TRPM7: variants seen among roughly 807,000 people sequenced by gnomAD.
TRPM7 encodes the protein LTRPC ion channel family member 7.
TRPM7 carries 134 observed loss-of-function variants against 229.7 expected under a neutral mutation model. The ratio of observed to expected loss-of-function variants is 0.58; its 90% confidence interval spans 0.51 to 0.67. TRPM7 has a LOEUF of 0.67. Among genes scored for constraint, TRPM7 ranks in the 30% least tolerant of loss-of-function variants. The probability of loss-of-function intolerance (pLI) is 0.00; values close to 1 mark genes in which losing one functional copy is unlikely to be tolerated. For missense variants in TRPM7, 1,901 were observed against 2,210.0 expected (o/e 0.86, Z 2.80); for synonymous variants, 699 against 715.2 (o/e 0.98, Z 0.36).
chr15:50,638,120 G>A (rs1212414088), intron 6 of TRPM7, among the ~76,000 whole-genome samples: 1 of 151,922 alleles, frequency 6.6e-6, no homozygotes, highest in East Asian at 1.9e-4. Context: ...AGCACTTTGG[G>A]AGGCCGAGGC....
At position 50,679,177 on chromosome 15, in the gene TRPM7, A is replaced by G. The variant is rs532275588; in HGVS notation, c.3+7354T>C. On this transcript the variant is annotated intron_variant, in intron 1 of 38. Coordinates refer to ENST00000646667, the MANE Select transcript of TRPM7 (RefSeq NM_017672.6). ...ATTAACCACCGCACCCAGTCAAAAA[A>G]ATTTTTTAATTAGCCAGGTTGGTGG... Among the ~76,000 whole-genome samples the G allele has an allele frequency of 1.7e-3, 227 of 135,278 alleles. 1 individual carries two copies. Among genetic ancestry groups the G allele is most frequent in the Non-Finnish European group, 2.5e-3 (154 of 62,728 alleles). The allele number at this position is 135,278 out of a possible 152,430, so 88.7% of individuals were successfully genotyped here.
intron 38 of TRPM7, among the ~76,000 whole-genome samples, chr15:50,567,854 C>T (rs1465662906): frequency 6.6e-6 from 1 of 151,576 alleles, no homozygotes; most frequent in Non-Finnish European, 1.5e-5. Context: ...TTTGGGAGGC[C>T]GAGGCAGGCG....
rs1566950709 is a variant in TRPM7, at chr15:50,580,923, A to AC, written c.4558-16_4558-15insG. 9.5e-6 allele frequency: 15 copies of AC among 1,574,620 alleles called. No individual in the cohort carries two copies. Among genetic ancestry groups the AC allele is most frequent in the South Asian group, 2.4e-5 (2 of 83,776 alleles). On this transcript the variant is annotated splice_polypyrimidine_tract_variant and intron_variant, in intron 29 of 38. Transcript: ENST00000646667. ...TGTAACCAATCCTTCAGTAAAAAAA[A>AC]AACACACACACACAAAAACCTTAAA... is the stretch of plus-strand genomic sequence containing the variant.
At chr15:50,666,889 A>G (rs570344641) in intron 1 of TRPM7, among the ~76,000 whole-genome samples, 2 of 152,258 alleles carry the variant, frequency 1.3e-5, no homozygotes, top group South Asian at 4.1e-4. Context: ...AAAGAAGAAA[A>G]TAACAGGCTG....
chr15:50,605,756 T>C (rs1433620468), intron 20 of TRPM7, among the ~76,000 whole-genome samples: 1 of 152,218 alleles, frequency 6.6e-6, no homozygotes, highest in African/African-American at 2.4e-5. Context: ...TGCAGAGCTA[T>C]TTTATGAATA....
intron 2 of TRPM7, 77 bp downstream of exon 2, chr15:50,662,890 G>A (rs1277820893): frequency 8.7e-6 from 9 of 1,032,540 alleles, no homozygotes; most frequent in East Asian, 2.5e-5. Flanking sequence ...AGTGGTTTTT[G>A]TTTCCAATAA....
intron 2 of TRPM7, among the ~76,000 whole-genome samples, chr15:50,658,770 A>G (rs543394790): frequency 5.3e-5 from 8 of 152,242 alleles, no homozygotes; most frequent in Non-Finnish European, 8.8e-5. Context: ...TATAAAATGA[A>G]AATTGTACAA....
At chr15:50,657,724 A>G in intron 3 of TRPM7, 57 bp downstream of exon 3, 10 of 1,448,220 alleles carry the variant, frequency 6.9e-6, no homozygotes, top group Non-Finnish European at 9.6e-6. Flanking sequence ...CATATTTCTA[A>G]TAGATTAGTT....
chr15:50,634,485 C>G lies in TRPM7; in HGVS notation c.904G>C (p.Glu302Gln). 6.3e-7 allele frequency: 1 copy of G among 1,582,122 alleles called. No homozygotes were observed. The highest frequency in any genetic ancestry group is 8.6e-7 in the Non-Finnish European group (1 of 1,166,766). Residue 302 changes from glutamate (E) to glutamine (Q), a missense_variant, in exon 8 of 39, where the codon GAA becomes CAA. By Grantham distance (29) the Glu-to-Gln change is conservative (BLOSUM62 2). Transcript: ENST00000646667. The part of the protein sequence containing the change: ...GGPNVILTVL[E>Q]YLQESPPVPV... ...ACAGGGGGGCTTTCCTGAAGGTATTCAAGAACTGTGAGGATAACATTTGGC... is the reference window on the plus strand; with the variant it reads ...ACAGGGGGGCTTTCCTGAAGGTATTGAAGAACTGTGAGGATAACATTTGGC...
At chr15:50,647,964 G>A (rs1268005167) in intron 4 of TRPM7, among the ~76,000 whole-genome samples, 1 of 152,092 alleles carries the variant, frequency 6.6e-6, no homozygotes, top group East Asian at 1.9e-4. Context: ...ATTTTAAGTA[G>A]AGACAGAGTC....
At chr15:50,667,997 T>C (rs2061920542) in intron 1 of TRPM7, among the ~76,000 whole-genome samples, 5 of 152,228 alleles carry the variant, frequency 3.3e-5, no homozygotes, top group Admixed American at 3.3e-4. Context: ...TAATTATGAT[T>C]ATTATGTTAA....
At chr15:50,654,550 A>C (rs1312340216) in intron 3 of TRPM7, among the ~76,000 whole-genome samples, 1 of 151,308 alleles carries the variant, frequency 6.6e-6, no homozygotes, top group Non-Finnish European at 1.5e-5. Context: ...GTAGACAAAG[A>C]CTCTAATGCA....
chr15:50,610,043 CAAT>C, intron 17 of TRPM7, 82 bp from the exon 18 acceptor site: 1 of 1,069,300 alleles, frequency 9.4e-7, no homozygotes, highest in Non-Finnish European at 1.3e-6. Context: ...AGAATAAAAA[CAAT>C]AAAAGATTTT....
chr15:50,570,719 G>A (rs1337605901), intron 36 of TRPM7, among the ~76,000 whole-genome samples: 1 of 151,244 alleles, frequency 6.6e-6, no homozygotes, highest in Admixed American at 6.6e-5. Flanking sequence ...CGGACATGGT[G>A]GGGGGCGCCT....
intron 16 of TRPM7, among the ~76,000 whole-genome samples, chr15:50,611,907 A>G (rs2140477892): frequency 6.6e-6 from 1 of 152,346 alleles, no homozygotes; most frequent in East Asian, 1.9e-4. Flanking sequence ...AGTAAATTGT[A>G]AACTTTTATG....
intron 21 of TRPM7, among the ~76,000 whole-genome samples, chr15:50,602,052 T>C (rs1009091410): frequency 2.0e-5 from 3 of 151,922 alleles, no homozygotes; most frequent in African/African-American, 7.3e-5. Flanking sequence ...CAAAGGATTA[T>C]AAATCATGCT....
chr15:50,682,073 G>A (rs907477234), intron 1 of TRPM7, among the ~76,000 whole-genome samples: 1 of 150,808 alleles, frequency 6.6e-6, no homozygotes, highest in Non-Finnish European at 1.5e-5. Context: ...AGCTACTCGA[G>A]AGGCTGAGGC....
Position 50,596,357 on chromosome 15 carries a change from G to T in TRPM7, c.3188C>A (p.Pro1063His). The T allele has an allele frequency of 1.9e-6, 3 of 1,602,996 alleles. No individual in the cohort carries two copies. The highest frequency in any genetic ancestry group is 2.5e-6 in the Non-Finnish European group (3 of 1,176,834). Residue 1063 changes from proline to histidine, a missense_variant, in exon 23 of 39, where the codon CCT (proline) becomes CAT (histidine). By Grantham distance (77) the Pro-to-His change is moderately conservative. Coordinates refer to ENST00000646667, the MANE Select transcript of TRPM7 (RefSeq NM_017672.6). ...CCACGTCCCAGGACCACAGATTTGA[G>T]GGATAACAGAATCATTTGCACACAC... ...IDVCANDSVI[P>H]QICGPGTWLT...
At chr15:50,602,535 A>C (rs1002975294) in intron 21 of TRPM7, among the ~76,000 whole-genome samples, 13 of 152,176 alleles carry the variant, frequency 8.5e-5, no homozygotes, top group African/African-American at 3.1e-4. Context: ...TCTTTGTGAA[A>C]GCCTTCATGA....
Sources: gnomAD v4.1 joint callset for allele counts (sites outside exome capture counted in the v4.1 genomes callset) on GRCh38, gnomAD v4.1.1 for gene constraint, MANE v1.5 for transcripts, NCBI Gene and HGNC (gene_info 2026-07-23, HGNC 2026-07-21) for gene names.